The following ZC3H7B variants were observed in gnomAD, a reference collection of about 807,000 sequenced individuals.
The protein encoded by ZC3H7B is zinc finger CCCH-type containing 7B.
A neutral mutation model predicts 116.0 loss-of-function variants in ZC3H7B; 35 were observed. The ratio of observed to expected loss-of-function variants is 0.30; its 90% confidence interval spans 0.23 to 0.40. The LOEUF (loss-of-function observed/expected upper bound fraction) is 0.40, where lower values mean the gene tolerates loss of function less well. Among genes scored for constraint, ZC3H7B ranks in the 10% least tolerant of loss-of-function variants. The pLI is 1.00. For missense variants in ZC3H7B, 1,011 were observed against 1,321.5 expected (o/e 0.77, Z 3.64); for synonymous variants, 502 against 545.6 (o/e 0.92, Z 1.11).
chr22:41,319,383 A>C (rs889356832), intron 1 of ZC3H7B, among the ~76,000 whole-genome samples: 2 of 152,068 alleles, frequency 1.3e-5, no homozygotes, highest in African/African-American at 4.8e-5. Context: ...CCTGGGCGAC[A>C]GAGCAGAACT....
intron 1 of ZC3H7B, among the ~76,000 whole-genome samples, chr22:41,308,120 T>C (rs1374654346): frequency 6.6e-6 from 1 of 152,054 alleles, no homozygotes; most frequent in Non-Finnish European, 1.5e-5. Flanking sequence ...GGGAACAGGG[T>C]ATTGGATTCC....
At chr22:41,306,062 G>T (rs538365764) in intron 1 of ZC3H7B, among the ~76,000 whole-genome samples, 1 of 152,266 alleles carries the variant, frequency 6.6e-6, no homozygotes, top group Non-Finnish European at 1.5e-5. Flanking sequence ...ATGGACAAAG[G>T]CAGGGATGTA....
In ZC3H7B at chr22:41,355,611, G is replaced by C. The variant is rs1182884871; in HGVS notation, c.2168+9G>C. On this transcript the variant is annotated intron_variant, in intron 18 of 22. Coordinates refer to ENST00000352645, the MANE Select transcript of ZC3H7B (RefSeq NM_017590.6). ...GCCAAGGCCCGGCACTGGTGAGTGG[G>C]ATGCCAGGTGGGGGCTCAGGTGGGA... The C allele has an allele frequency of 1.2e-6, 2 of 1,614,016 alleles. No homozygotes were observed. Among genetic ancestry groups the C allele is most frequent in the South Asian group, 2.2e-5 (2 of 91,080 alleles).
intron 1 of ZC3H7B, among the ~76,000 whole-genome samples, chr22:41,304,653 G>C (rs7292854): frequency 0.39 from 59,830 of 152,082 alleles, 12,425 homozygotes; most frequent in Non-Finnish European, 0.45. Flanking sequence ...AGTAGAATTT[G>C]AACTTCAAAG....
At chr22:41,355,284 C>T (rs1485099975) in intron 17 of ZC3H7B, among the ~76,000 whole-genome samples, 185 bp from the exon 18 acceptor site, 1 of 152,182 alleles carries the variant, frequency 6.6e-6, no homozygotes, top group Non-Finnish European at 1.5e-5. Context: ...AGAGGAGCCC[C>T]GTTCCAGGCC....
chr22:41,344,059 A>C (rs929940159), intron 13 of ZC3H7B, among the ~76,000 whole-genome samples: 2 of 152,210 alleles, frequency 1.3e-5, no homozygotes, highest in African/African-American at 4.8e-5. Context: ...TTTAATGGAC[A>C]TCCATCATGT....
At position 41,325,776 on chromosome 22, in the gene ZC3H7B, G is replaced by A. The variant is rs1207490438; in HGVS notation, c.143G>A (p.Arg48Gln). The A allele has an allele frequency of 5.0e-6, 8 of 1,613,888 alleles. No homozygotes were observed. The highest frequency in any genetic ancestry group is 6.8e-6 in the Non-Finnish European group (8 of 1,179,998). The change falls in exon 4 of 23, where the codon CGG becomes CAG. Residue 48 changes from arginine (R) to glutamine (Q), a missense_variant. By Grantham distance (43) the Arg-to-Gln change is conservative (BLOSUM62 1). Coordinates refer to ENST00000352645, the MANE Select transcript of ZC3H7B (RefSeq NM_017590.6). ...TTTGCTGAGGGCAATGATCTGTTCC[G>A]GGAGAAGGACTATAAGCAGGCTCTG... ...NLFAEGNDLF[R>Q]EKDYKQALVQ...
rs1259524569 is a variant in ZC3H7B at position 41,302,156 on chromosome 22, T to C, written c.-7+384T>C. Among the ~76,000 whole-genome samples, 2 of 151,988 alleles carry C rather than the reference T, an allele frequency of 1.3e-5. No individual in the cohort carries two copies. The highest frequency in any genetic ancestry group is 2.9e-5 in the Non-Finnish European group (2 of 67,974). ...CGGAGCTTCTGGGGTGTCCAGATGC[T>C]TTGCCGACCCCGCGCAGGGGGTCTC... is the stretch of plus-strand genomic sequence containing the variant. On this transcript the variant is annotated intron_variant, in intron 1 of 22. Transcript: ENST00000352645. The surrounding 1 kb of genome is among the most constrained non-coding windows in gnomAD (Gnocchi z 5.7).
rs563442713 is a variant in ZC3H7B at position 41,346,712 on chromosome 22, A to T, written c.1665+504A>T. On this transcript the variant is annotated intron_variant, in intron 14 of 22. Coordinates refer to ENST00000352645, the MANE Select transcript of ZC3H7B (RefSeq NM_017590.6). This position sits in a 1 kb window ranked among gnomAD's most constrained non-coding sequence, Gnocchi z 5.3. ...ACGCCTGTAGTCCCAGCTAGTTGGG[A>T]GGCTGAGGCAGGAGAATCACTTGAA... Among the ~76,000 whole-genome samples, 31 of 152,258 alleles carry T rather than the reference A, an allele frequency of 2.0e-4. No homozygotes were observed. The highest frequency in any genetic ancestry group is 7.0e-4 in the African/African-American group (29 of 41,556).
At position 41,330,107 on chromosome 22, in the gene ZC3H7B, G is replaced by C; in HGVS notation, c.525+4G>C. On this transcript the variant is annotated splice_donor_region_variant and intron_variant, in intron 6 of 22. Transcript: ENST00000352645. ...CAAGGCGTATAAGAGGCCCCAGGTA[G>C]GTGGGTTCGGGACCCTGGGAGGGTC... The C allele has an allele frequency of 6.2e-7, 1 of 1,613,806 alleles. No homozygotes were observed. The highest frequency in any genetic ancestry group is 1.1e-5 in the South Asian group (1 of 91,062).
Position 41,346,167 on chromosome 22 carries a change from C to G in ZC3H7B, c.1624C>G (p.Leu542Val). ...GCGCGGCAGCCTCACCATCGCCAAG[C>G]TCCTGAAGGAGCACCAGGGCATCTT... ...VKRGSLTIAK[L>V]LKEHQGIFTF... is the part of the protein sequence containing the mutation. Residue 542 changes from leucine (L) to valine (V), a missense_variant, in exon 14 of 23, where the codon CTC (leucine) becomes GTC (valine). Leu to Val is a conservative substitution (Grantham distance 32, BLOSUM62 1). This residue lies in a region of ZC3H7B where 179 missense variants were observed against 178.5 expected (regional missense o/e 1.00). Transcript: ENST00000352645. This position sits in a 1 kb window ranked among gnomAD's most constrained non-coding sequence, Gnocchi z 5.3. 6.2e-7 allele frequency: 1 copy of G among 1,612,430 alleles called. No individual in the cohort carries two copies. The highest frequency in any genetic ancestry group is 8.5e-7 in the Non-Finnish European group (1 of 1,179,948).
At chr22:41,341,412 C>T (rs1199686816) in intron 11 of ZC3H7B, among the ~76,000 whole-genome samples, 1 of 152,186 alleles carries the variant, frequency 6.6e-6, no homozygotes, top group African/African-American at 2.4e-5. Context: ...GTGTTAGTAG[C>T]ATCCCTGGTC....
intron 1 of ZC3H7B, among the ~76,000 whole-genome samples, chr22:41,309,454 C>T (rs1186952872): frequency 6.6e-6 from 1 of 151,998 alleles, no homozygotes; most frequent in East Asian, 1.9e-4. Flanking sequence ...GCTGGGATTA[C>T]AGGTGCCCAC....
In ZC3H7B at chr22:41,338,977, G is replaced by T. The variant is rs1160898915; in HGVS notation, c.626-24G>T. ...CCCTCACCAAGCAGTGCTCCCCTTC[G>T]GCTCTTGCCCACCCCATCCGCAGAC... On this transcript the variant is annotated intron_variant, in intron 8 of 22. Transcript: ENST00000352645. The surrounding 1 kb of genome is among the most constrained non-coding windows in gnomAD (Gnocchi z 4.5). 6.6e-7 allele frequency: 1 copy of T among 1,519,276 alleles called. No individual in the cohort carries two copies. Among genetic ancestry groups the T allele is most frequent in the East Asian group, 2.4e-5 (1 of 41,924 alleles). The allele number at this position is 1,519,276 out of a possible 1,614,324, so 94.1% of individuals were successfully genotyped here. A position where few individuals can be genotyped will look rare whatever the true frequency, so the allele number is the denominator to read the frequency against.
At chr22:41,322,240 C>T (rs192530394) in intron 2 of ZC3H7B, among the ~76,000 whole-genome samples, 100 of 150,552 alleles carry the variant, frequency 6.6e-4, no homozygotes, top group African/African-American at 2.2e-3. Context: ...CAGGCTGGAA[C>T]GCAGTGGTGC....
At chr22:41,331,222 C>T (rs985386496) in intron 6 of ZC3H7B, among the ~76,000 whole-genome samples, 23 of 147,164 alleles carry the variant, frequency 1.6e-4, no homozygotes, top group African/African-American at 5.8e-4. Context: ...GCACTCCAGC[C>T]TGGGCAACGA....
chr22:41,320,379 A>G (rs1454809510), intron 1 of ZC3H7B, among the ~76,000 whole-genome samples: 1 of 150,886 alleles, frequency 6.6e-6, no homozygotes, highest in Non-Finnish European at 1.5e-5. Flanking sequence ...GGGTGTCCAT[A>G]CGGTATTGTA....
At chr22:41,353,174 G>A (rs2036675043) in intron 17 of ZC3H7B, among the ~76,000 whole-genome samples, 2 of 152,196 alleles carry the variant, frequency 1.3e-5, no homozygotes, top group Admixed American at 6.5e-5. Context: ...ACTGATTGTG[G>A]TATCCCCTCC....
intron 1 of ZC3H7B, among the ~76,000 whole-genome samples, chr22:41,317,610 CA>C (rs1330511114): frequency 6.6e-6 from 1 of 151,552 alleles, no homozygotes; most frequent in African/African-American, 2.4e-5. Flanking sequence ...GGCAACATGG[CA>C]AAACCCCATC....
Sources: gnomAD v4.1 joint callset for allele counts (sites outside exome capture counted in the v4.1 genomes callset) on GRCh38, gnomAD v4.1.1 for gene constraint, gnomAD v4.1.1 regional missense constraint, Gnocchi (gnomAD v3.1) non-coding constraint, MANE v1.5 for transcripts, NCBI Gene and HGNC (gene_info 2026-07-23, HGNC 2026-07-21) for gene names.